The following LARP4 variants were observed in gnomAD, a reference collection of about 807,000 sequenced individuals.
The protein encoded by LARP4 is La ribonucleoprotein 4.
Under a neutral mutation model 92.9 loss-of-function variants are expected in LARP4, and 29 were observed. The observed-to-expected ratio is 0.31, with a 90% confidence interval of 0.23 to 0.43. The LOEUF is 0.43. LARP4 is among the 20% of genes least tolerant of loss of function. The probability of loss-of-function intolerance (pLI) is 1.00; values close to 1 mark genes in which losing one functional copy is unlikely to be tolerated. For synonymous variants in LARP4, 279 were observed against 284.1 expected, an observed-to-expected ratio of 0.98 and a Z score of 0.18; for missense variants, 732 against 860.0, an observed-to-expected ratio of 0.85 and a Z score of 1.86.
intron 1 of LARP4, among the ~76,000 whole-genome samples, chr12:50,403,453 CAA>C (rs1308739318): frequency 2.0e-5 from 3 of 152,074 alleles, no homozygotes; most frequent in African/African-American, 7.2e-5. Flanking sequence ...TGCTATATGT[CAA>C]AAATATTGTT....
intron 12 of LARP4, 144 bp from the exon 13 acceptor site, chr12:50,466,815 C>T (rs1593417039): frequency 1.5e-6 from 1 of 663,286 alleles, no homozygotes; most frequent in East Asian, 2.7e-5. Context: ...GATGTCAAAC[C>T]AAGAATTTAT....
At chr12:50,441,702 T>C in intron 8 of LARP4, 59 bp downstream of exon 8, 1 of 1,225,194 alleles carries the variant, frequency 8.2e-7, no homozygotes, top group Non-Finnish European at 1.2e-6. Context: ...TATGAGAATT[T>C]AAAAAATACA....
chr12:50,439,415 G>A (rs1950886561), intron 6 of LARP4, among the ~76,000 whole-genome samples: 1 of 151,798 alleles, frequency 6.6e-6, no homozygotes, highest in Admixed American at 6.6e-5. Context: ...TCAATCAATG[G>A]TTTTCTGAGA....
At chr12:50,474,518 T>G (rs1370908716) in intron 15 of LARP4, among the ~76,000 whole-genome samples, 1 of 152,136 alleles carries the variant, frequency 6.6e-6, no homozygotes, top group Non-Finnish European at 1.5e-5. Context: ...TGGCTAATTT[T>G]TTGTATTTTT....
intron 7 of LARP4, 57 bp downstream of exon 7, chr12:50,440,606 T>C: frequency 8.8e-7 from 1 of 1,138,922 alleles, no homozygotes; most frequent in South Asian, 1.3e-5. Flanking sequence ...TAAGTAGTGG[T>C]ATATTTTAAT....
Position 50,451,506 on chromosome 12 carries a change from T to C in LARP4, c.805-1954T>C, listed in dbSNP as rs1695524214. 2.6e-5 allele frequency among the ~76,000 whole-genome samples: 4 copies of C among 152,124 alleles called. No homozygotes were observed. In the South Asian group the frequency reaches 6.2e-4, roughly 24 times the overall value. On this transcript the variant is annotated intron_variant, in intron 8 of 15. Coordinates refer to ENST00000398473, the MANE Select transcript of LARP4 (RefSeq NM_052879.5). Reference sequence around the variant, plus strand: ...TGAGGTCAGGAGTTCAAGACCAGCCTGGCCAACATGGTGAAACCCCATCTC... The same window carrying C: ...TGAGGTCAGGAGTTCAAGACCAGCCCGGCCAACATGGTGAAACCCCATCTC...
chr12:50,477,692 G>A lies in LARP4; in HGVS notation c.*1828G>A, dbSNP rs1418878709. 5 of 152,380 alleles carry A rather than the reference G, an allele frequency of 3.3e-5. No homozygotes were observed. The highest frequency in any genetic ancestry group is 7.4e-5 in the Non-Finnish European group (5 of 67,928). 9.4% of individuals were successfully genotyped at this position (152,380 alleles called of 1,614,324 possible). The stretch of plus-strand genomic sequence containing the variant: ...GTTGCTTTTGATTTGATTGTTTTAT[G>A]ACATGGTATACTACTATATTTACTC... On this transcript the variant is annotated 3_prime_UTR_variant, in exon 16 of 16. Coordinates refer to ENST00000398473, the MANE Select transcript of LARP4 (RefSeq NM_052879.5).
intron 1 of LARP4, among the ~76,000 whole-genome samples, chr12:50,408,465 G>C (rs1945251449): frequency 6.6e-6 from 1 of 152,010 alleles, no homozygotes; most frequent in Non-Finnish European, 1.5e-5. Flanking sequence ...CCAAAGTGCT[G>C]GGACTACAGG....
At position 50,475,903 on chromosome 12, in the gene LARP4, A is replaced by G. The variant is rs745503456; in HGVS notation, c.*39A>G. 3 of 1,560,120 alleles carry G rather than the reference A, an allele frequency of 1.9e-6. No individual in the cohort carries two copies. Among genetic ancestry groups the G allele is most frequent in the Non-Finnish European group, 2.6e-6 (3 of 1,139,392 alleles). On this transcript the variant is annotated 3_prime_UTR_variant, in exon 16 of 16. Coordinates refer to ENST00000398473, the MANE Select transcript of LARP4 (RefSeq NM_052879.5). Reference sequence around the variant, plus strand: ...TATTCAAAAACTTCACTCTCTTCCCATTAAACTTGAACTGTGGCTATATTG... The same window carrying G: ...TATTCAAAAACTTCACTCTCTTCCCGTTAAACTTGAACTGTGGCTATATTG...
At chr12:50,438,352 C>T (rs1950726248) in intron 6 of LARP4, among the ~76,000 whole-genome samples, 1 of 151,872 alleles carries the variant, frequency 6.6e-6, no homozygotes, top group African/African-American at 2.4e-5. Flanking sequence ...AAAAAATTAG[C>T]CAGGCATGGT....
intron 1 of LARP4, among the ~76,000 whole-genome samples, chr12:50,426,684 G>GGTGTGTGTGTGTGTGTGTGTGTGTGT (rs762987529): frequency 1.2e-5 from 1 of 86,174 alleles, no homozygotes; most frequent in Non-Finnish European, 2.1e-5. Flanking sequence ...TTATGTTTGG[G>GGTGTGTGTGTGTGTGTGTGTGTGTGT]GTGTGTGTGT....
At chr12:50,437,706 T>C in intron 5 of LARP4, 29 bp from the exon 6 acceptor site, 1 of 1,287,250 alleles carries the variant, frequency 7.8e-7, no homozygotes, top group Non-Finnish European at 1.1e-6. Flanking sequence ...TTGTCACGTT[T>C]GAGTGATACC....
Position 50,474,037 on chromosome 12 carries a change from CT to C in LARP4, c.1707del (p.Val570PhefsTer34). The C allele has an allele frequency of 1.2e-6, 2 of 1,612,124 alleles. No homozygotes were observed. Among genetic ancestry groups the C allele is most frequent in the Non-Finnish European group, 1.7e-6 (2 of 1,179,900 alleles). ...QQEKDLIEDS[S>X]VQKDGLNQTT... ...GAAAAGGATCTAATAGAAGATTCCT[CT>C]GTTCAGAAGGATGGTCTCAATCAGA... On this transcript the variant is annotated frameshift_variant, in exon 15 of 16. Coordinates refer to ENST00000398473, the MANE Select transcript of LARP4 (RefSeq NM_052879.5). LOFTEE classifies it high-confidence loss of function.
At chr12:50,431,369 C>T (rs1949634050) in intron 4 of LARP4, among the ~76,000 whole-genome samples, 1 of 152,102 alleles carries the variant, frequency 6.6e-6, no homozygotes, top group African/African-American at 2.4e-5. Flanking sequence ...TGAACATACT[C>T]AATTTTGGAA....
chr12:50,447,213 G>A (rs1294289441), intron 8 of LARP4, among the ~76,000 whole-genome samples: 2 of 152,146 alleles, frequency 1.3e-5, no homozygotes, highest in Non-Finnish European at 2.9e-5. Context: ...TCGGATTTGG[G>A]ATACTCAACT....
intron 1 of LARP4, chr12:50,421,237 C>T: frequency 3.1e-6 from 3 of 983,464 alleles, no homozygotes; most frequent in East Asian, 2.3e-4. Flanking sequence ...GCGTGAGCCA[C>T]CGTACCCAGC....
At chr12:50,447,447 T>A (rs2137981056) in intron 8 of LARP4, among the ~76,000 whole-genome samples, 1 of 152,320 alleles carries the variant, frequency 6.6e-6, no homozygotes, top group South Asian at 2.1e-4. Flanking sequence ...GCTTTATAAA[T>A]TTACCAAGTG....
At chr12:50,463,480 C>T (rs956138230) in intron 12 of LARP4, among the ~76,000 whole-genome samples, 2 of 151,312 alleles carry the variant, frequency 1.3e-5, no homozygotes, top group Non-Finnish European at 2.9e-5. Flanking sequence ...CGCCTGTTGT[C>T]CCAGCTACTT....
intron 8 of LARP4, among the ~76,000 whole-genome samples, chr12:50,441,911 G>A (rs549769047): frequency 1.3e-5 from 2 of 152,304 alleles, no homozygotes; most frequent in South Asian, 4.1e-4. Context: ...TTAGCCGGGT[G>A]TTGTGGCACA....
Sources: gnomAD v4.1 joint callset for allele counts (sites outside exome capture counted in the v4.1 genomes callset) on GRCh38, gnomAD v4.1.1 for gene constraint, MANE v1.5 for transcripts, NCBI Gene and HGNC (gene_info 2026-07-23, HGNC 2026-07-21) for gene names.